RASSF5: variants seen among roughly 807,000 people sequenced by gnomAD.
The protein encoded by RASSF5 is Ras association domain family member 5.
In RASSF5, 25 loss-of-function variants were observed where a neutral mutation model predicts 40.5. The ratio of observed to expected loss-of-function variants is 0.62; its 90% CI spans 0.45 to 0.86. The LOEUF is 0.86. Ranked by LOEUF, RASSF5 falls within the 40% of genes least tolerant of loss-of-function variation. The pLI is 0.00. For missense variants in RASSF5, 521 were observed against 572.8 expected (o/e 0.91, Z 0.92); for synonymous variants, 246 against 252.4 (o/e 0.97, Z 0.24).
intron 1 of RASSF5, among the ~76,000 whole-genome samples, chr1:206,532,276 A>G (rs6540450): frequency 0.81 from 122,456 of 152,064 alleles, 49,649 homozygotes; most frequent in East Asian, 0.98. Context: ...TTAACTTGGA[A>G]CCTCCACCTT....
chr1:206,535,149 G>A lies in RASSF5; in HGVS notation c.458-3023G>A, dbSNP rs1038093766. Among the ~76,000 whole-genome samples, 35 of 152,326 alleles carry A rather than the reference G, an allele frequency of 2.3e-4. No individual in the cohort carries two copies. Among genetic ancestry groups the A allele is most frequent in the African/African-American group, 8.2e-4 (34 of 41,572 alleles). ...GCCCGGGAGGTGGAGTTTGCAGAGA[G>A]CCACGATAGTGCCACTGCACTGCAG... On this transcript the variant is annotated intron_variant, in intron 1 of 5. Transcript: ENST00000579436. The surrounding 1 kb of genome is among the most constrained non-coding windows in gnomAD (Gnocchi z 5.0).
intron 2 of RASSF5, among the ~76,000 whole-genome samples, chr1:206,539,474 G>A (rs782268295): frequency 1.3e-5 from 2 of 152,162 alleles, no homozygotes; most frequent in Non-Finnish European, 2.9e-5. Flanking sequence ...CACCATGGGT[G>A]TTACCAGCCT....
intron 2 of RASSF5, among the ~76,000 whole-genome samples, chr1:206,549,238 C>T (rs1348445123): frequency 1.3e-5 from 2 of 151,988 alleles, no homozygotes; most frequent in African/African-American, 4.8e-5. Context: ...AAAGTCTAAT[C>T]TGCCATTAAT....
At chr1:206,574,642 C>G (rs2103556987) in intron 2 of RASSF5, among the ~76,000 whole-genome samples, 1 of 152,272 alleles carries the variant, frequency 6.6e-6, no homozygotes. Context: ...TTAGGGAACA[C>G]AGTTAAGGAG....
At chr1:206,577,796 T>G (rs1239307153) in intron 2 of RASSF5, among the ~76,000 whole-genome samples, 2 of 152,220 alleles carry the variant, frequency 1.3e-5, no homozygotes, top group Non-Finnish European at 2.9e-5. Context: ...TGAAGGTTCT[T>G]GAGCAAGTAT....
chr1:206,583,544 T>A (rs1423971091), intron 3 of RASSF5, 165 bp downstream of exon 3: 7 of 606,238 alleles, frequency 1.2e-5, no homozygotes, highest in Non-Finnish European at 1.8e-5. Flanking sequence ...GCCAGAGCCC[T>A]CAGTGGCCTC....
intron 2 of RASSF5, among the ~76,000 whole-genome samples, chr1:206,565,920 A>T (rs1227310660): frequency 1.3e-5 from 2 of 152,166 alleles, no homozygotes; most frequent in Non-Finnish European, 2.9e-5. Flanking sequence ...TATCACAGCC[A>T]TTCCTCTGTC....
chr1:206,577,491 T>C (rs942272492), intron 2 of RASSF5, among the ~76,000 whole-genome samples: 5 of 152,246 alleles, frequency 3.3e-5, no homozygotes, highest in Non-Finnish European at 5.9e-5. Flanking sequence ...AAGGGATTTT[T>C]ATCCCAAATG....
intron 1 of RASSF5, among the ~76,000 whole-genome samples, chr1:206,519,085 C>T (rs1553395748): frequency 1.3e-5 from 2 of 152,030 alleles, no homozygotes; most frequent in African/African-American, 4.8e-5. Flanking sequence ...CGGGAAGTGG[C>T]CAGACCACTG....
At chr1:206,545,991 C>T (rs1667674943) in intron 2 of RASSF5, among the ~76,000 whole-genome samples, 1 of 146,862 alleles carries the variant, frequency 6.8e-6, no homozygotes. Context: ...TGCTCTGTCA[C>T]CCAGGCTGGA....
At chr1:206,573,176 T>C (rs1668509713) in intron 2 of RASSF5, among the ~76,000 whole-genome samples, 1 of 152,180 alleles carries the variant, frequency 6.6e-6, no homozygotes, top group African/African-American at 2.4e-5. Flanking sequence ...CACAAAGAAA[T>C]CAGTCTCCGT....
At chr1:206,545,357 T>C (rs1051240117) in intron 2 of RASSF5, among the ~76,000 whole-genome samples, 2 of 151,508 alleles carry the variant, frequency 1.3e-5, no homozygotes, top group Non-Finnish European at 2.9e-5. Context: ...TTTTTTTTTT[T>C]TTTTTTTTAA....
intron 1 of RASSF5, among the ~76,000 whole-genome samples, chr1:206,510,689 C>T (rs1300056860): frequency 6.6e-6 from 1 of 152,106 alleles, no homozygotes; most frequent in Non-Finnish European, 1.5e-5. Context: ...TCTAGAAATG[C>T]CACTCCTACC....
intron 1 of RASSF5, among the ~76,000 whole-genome samples, chr1:206,518,744 G>T (rs944769): frequency 0.4 from 60,281 of 151,940 alleles, 12,932 homozygotes; most frequent in South Asian, 0.57. Context: ...TGAACAGCCA[G>T]ATCCAAAGGA....
At chr1:206,551,490 C>G (rs1667839537) in intron 2 of RASSF5, among the ~76,000 whole-genome samples, 1 of 152,226 alleles carries the variant, frequency 6.6e-6, no homozygotes, top group Non-Finnish European at 1.5e-5. Context: ...GAAGTGCTGG[C>G]CAAAGCTGTC....
In RASSF5 at chr1:206,552,129, G is replaced by GC. The variant is rs1553401117; in HGVS notation, c.579+13836_579+13837insC. ...TGGCAGCCAATCAGAAGTGTGGTGT[G>GC]GGTTAGCACCGCTGAGAAAGTGACT... On this transcript the variant is annotated intron_variant, in intron 2 of 5. Transcript: ENST00000579436. This position sits in a 1 kb window ranked among gnomAD's most constrained non-coding sequence, Gnocchi z 4.1. Among the ~76,000 whole-genome samples, 6 of 152,182 alleles carry GC rather than the reference G, an allele frequency of 3.9e-5. No individual in the cohort carries two copies. Among genetic ancestry groups the GC allele is most frequent in the African/African-American group, 1.2e-4 (5 of 41,428 alleles).
At chr1:206,569,247 C>T (rs1185460674) in intron 2 of RASSF5, among the ~76,000 whole-genome samples, 1 of 152,232 alleles carries the variant, frequency 6.6e-6, no homozygotes, top group South Asian at 2.1e-4. Flanking sequence ...AGCCCATACA[C>T]ATCCTAAGGT....
At chr1:206,562,667 T>G (rs1668175837) in intron 2 of RASSF5, among the ~76,000 whole-genome samples, 1 of 152,068 alleles carries the variant, frequency 6.6e-6, no homozygotes. Flanking sequence ...GCGTGGTGGC[T>G]CATGCCTGTA....
intron 2 of RASSF5, among the ~76,000 whole-genome samples, chr1:206,572,329 A>G (rs1348715855): frequency 6.6e-6 from 1 of 152,152 alleles, no homozygotes; most frequent in Non-Finnish European, 1.5e-5. Flanking sequence ...GAGATAGCCC[A>G]CACAGTTGTG....
Sources: gnomAD v4.1 joint callset for allele counts (sites outside exome capture counted in the v4.1 genomes callset) on GRCh38, gnomAD v4.1.1 for gene constraint, Gnocchi (gnomAD v3.1) non-coding constraint, MANE v1.5 for transcripts, NCBI Gene and HGNC (gene_info 2026-07-23, HGNC 2026-07-21) for gene names.